Variants in HSPB6 observed in about 807,000 individuals in gnomAD.
HSPB6 encodes the protein heat shock protein beta-6.
HSPB6 carries 8 observed loss-of-function variants against 10.7 expected under a neutral mutation model. That is an observed-to-expected ratio of 0.75 (90% CI 0.44 to 1.35). The LOEUF (loss-of-function observed/expected upper bound fraction) is 1.35. HSPB6 is among the 40% of genes most tolerant of loss of function. HSPB6 has a pLI of 0.00. For missense variants in HSPB6, 232 were observed against 236.0 expected (o/e 0.98, Z 0.11); for synonymous variants, 128 against 114.2 (o/e 1.12, Z -0.77).
intron 1 of HSPB6, among the ~76,000 whole-genome samples, chr19:35,756,330 C>T (rs1970754945): frequency 6.6e-6 from 1 of 152,122 alleles, no homozygotes. Flanking sequence ...CACGGGACCT[C>T]GGCAGCTACT....
chr19:35,756,080 C>A (rs1387070409), intron 1 of HSPB6, among the ~76,000 whole-genome samples, 186 bp from the exon 2 acceptor site: 2 of 152,096 alleles, frequency 1.3e-5, no homozygotes, highest in Non-Finnish European at 2.9e-5. Flanking sequence ...ATACGCCCTC[C>A]CCCTGTAATA....
In HSPB6 at chr19:35,756,956, G is replaced by A. The variant is rs1434903574; in HGVS notation, c.53C>T (p.Pro18Leu). The A allele has an allele frequency of 1.9e-6, 3 of 1,544,592 alleles. No individual in the cohort carries two copies. The highest frequency in any genetic ancestry group is 2.6e-6 in the Non-Finnish European group (3 of 1,146,566). The change falls in exon 1 of 3, where the codon CCG becomes CTG. Residue 18 changes from proline (P) to leucine (L), a missense_variant. Pro to Leu is a moderately conservative substitution (Grantham distance 98). Transcript: ENST00000004982. ...TCCGGGCGCCGAAAGTCCGGGCAAC[G>A]GGGCCGAGGCGCGGCGCAGCCAAGA... Reference protein sequence around the residue: ...QPSWLRRASAPLPGLSAPGRL... With the variant: ...QPSWLRRASALLPGLSAPGRL...
In HSPB6 at chr19:35,756,819, CGGGCAGCGCCACGCT is replaced by C. The variant is rs1281502501; in HGVS notation, c.175_189del (p.Ser59_Pro63del). The C allele has an allele frequency of 2.6e-6, 4 of 1,535,966 alleles. No individual in the cohort carries two copies. Among genetic ancestry groups the C allele is most frequent in the Non-Finnish European group, 3.5e-6 (4 of 1,146,622 alleles). On this transcript the variant is annotated inframe_deletion, in exon 1 of 3. Coordinates refer to ENST00000004982, the MANE Select transcript of HSPB6 (RefSeq NM_144617.3). The stretch of plus-strand genomic sequence containing the variant: ...CTCCCCAGGCCTGGCACCTGGGCGA[CGGGCAGCGCCACGCT>C]GGGTGCGCGCAGGTAGTAGGGGGCG...
rs1374847402 is a variant in HSPB6 at position 35,756,892 on chromosome 19, C to T, written c.117G>A (p.Glu39=). Reference sequence around the variant, plus strand: ...TGGGGCAGAGCGCAGCCAGCTCGGCCTCCAGCAGCCCCTCGCCGAAGCGCT... The same window carrying T: ...TGGGGCAGAGCGCAGCCAGCTCGGCTTCCAGCAGCCCCTCGCCGAAGCGCT... ...FDQRFGEGLL[E]AELAALCPTT... Residue 39 remains glutamate (E), a synonymous_variant, in exon 1 of 3, where the codon GAG becomes GAA. Coordinates refer to ENST00000004982, the MANE Select transcript of HSPB6 (RefSeq NM_144617.3). 6.5e-7 allele frequency: 1 copy of T among 1,538,480 alleles called. No individual in the cohort carries two copies. The highest frequency in any genetic ancestry group is 2.0e-5 in the Admixed American group (1 of 50,910).
In HSPB6 at chr19:35,754,634, G is replaced by A. The variant is rs1970730123; in HGVS notation, c.*888C>T. On this transcript the variant is annotated 3_prime_UTR_variant, in exon 3 of 3. Transcript: ENST00000004982. ...AAGACTAAGGGAGTGGTGGCAGGGA[G>A]AAAGGCTGTGGGGAATCAGAGCGGG... is the stretch of plus-strand genomic sequence containing the variant. 2 of 702,104 alleles carry A rather than the reference G, an allele frequency of 2.8e-6. No individual in the cohort carries two copies. The highest frequency in any genetic ancestry group is 1.7e-5 in the South Asian group (1 of 58,706). 43.5% of individuals were successfully genotyped at this position (702,104 alleles called of 1,614,324 possible).
chr19:35,756,991 A>G lies in HSPB6; in HGVS notation c.18T>C (p.Pro6=), dbSNP rs1363143963. Residue 6 remains proline (P), a synonymous_variant, in exon 1 of 3, where the codon CCT becomes CCC. Transcript: ENST00000004982. MEIPV[P]VQPSWLRRAS... ...CGCGGCGCAGCCAAGACGGCTGCAC[A>G]GGCACAGGGATCTCCATCCTGCTCC... 2 of 1,546,024 alleles carry G rather than the reference A, an allele frequency of 1.3e-6. No homozygotes were observed. The highest frequency in any genetic ancestry group is 2.4e-5 in the South Asian group (2 of 84,030).
chr19:35,754,639 G>C lies in HSPB6; in HGVS notation c.*883C>G, dbSNP rs1970730283. On this transcript the variant is annotated 3_prime_UTR_variant, in exon 3 of 3. Transcript: ENST00000004982. ...TAAGGGAGTGGTGGCAGGGAGAAAGGCTGTGGGGAATCAGAGCGGGTGCTC... is the reference window on the plus strand; with the variant it reads ...TAAGGGAGTGGTGGCAGGGAGAAAGCCTGTGGGGAATCAGAGCGGGTGCTC... 1 of 689,922 alleles carries C rather than the reference G, an allele frequency of 1.4e-6. No individual in the cohort carries two copies. Among genetic ancestry groups the C allele is most frequent in the African/African-American group, 1.8e-5 (1 of 56,766 alleles). 42.7% of individuals were successfully genotyped at this position (689,922 alleles called of 1,614,324 possible).
In HSPB6 at chr19:35,754,766, G is replaced by A; in HGVS notation, c.*756C>T. The A allele has an allele frequency of 4.0e-6, 2 of 502,092 alleles. No individual in the cohort carries two copies. The highest frequency in any genetic ancestry group is 7.3e-6 in the Non-Finnish European group (2 of 274,896). The allele number at this position is 502,092 out of a possible 1,614,324, so 31.1% of individuals were successfully genotyped here. ...AAGACAAAGGGACTTAGGGGGATGG[G>A]GTCTGGTTAGAGTTGGGGAGGGGGC... On this transcript the variant is annotated 3_prime_UTR_variant, in exon 3 of 3. Transcript: ENST00000004982.
Position 35,754,607 on chromosome 19 carries a change from G to C in HSPB6, c.*915C>G, listed in dbSNP as rs773487464. The C allele has an allele frequency of 1.2e-6, 1 of 826,212 alleles. No homozygotes were observed. The highest frequency in any genetic ancestry group is 2.0e-6 in the Non-Finnish European group (1 of 503,168). The allele number at this position is 826,212 out of a possible 1,614,324, so 51.2% of individuals were successfully genotyped here. A position where few individuals can be genotyped will look rare whatever the true frequency, so the allele number is the denominator to read the frequency against. On this transcript the variant is annotated 3_prime_UTR_variant, in exon 3 of 3. Transcript: ENST00000004982. ...ACATTTATTGGGAGAGTAAGCCTGGGAAAGACTAAGGGAGTGGTGGCAGGG... is the reference window on the plus strand; with the variant it reads ...ACATTTATTGGGAGAGTAAGCCTGGCAAAGACTAAGGGAGTGGTGGCAGGG...
In HSPB6 at chr19:35,755,597, C is replaced by T. The variant is rs1229631694; in HGVS notation, c.408G>A (p.Leu136=). 6.5e-7 allele frequency: 1 copy of T among 1,532,928 alleles called. No homozygotes were observed. The highest frequency in any genetic ancestry group is 8.7e-7 in the Non-Finnish European group (1 of 1,144,720). 95.0% of individuals were successfully genotyped at this position (1,532,928 alleles called of 1,614,324 possible). A position where few individuals can be genotyped will look rare whatever the true frequency, so the allele number is the denominator to read the frequency against. The change falls in exon 3 of 3, where the codon CTG becomes CTA. Residue 136 remains leucine, a synonymous_variant. Transcript: ENST00000004982. ...GVDPAAVTSA[L]SPEGVLSIQA... ...GGATGGACAGGACGCCCTCGGGGGACAGCGCGGACGTCACGGCAGCCGGAT... is the reference window on the plus strand; with the variant it reads ...GGATGGACAGGACGCCCTCGGGGGATAGCGCGGACGTCACGGCAGCCGGAT...
rs933934889 is a variant in HSPB6, at chr19:35,754,601, G to T, written c.*921C>A. ...TCTAGCACATTTATTGGGAGAGTAAGCCTGGGAAAGACTAAGGGAGTGGTG... is the reference window on the plus strand; with the variant it reads ...TCTAGCACATTTATTGGGAGAGTAATCCTGGGAAAGACTAAGGGAGTGGTG... On this transcript the variant is annotated 3_prime_UTR_variant, in exon 3 of 3. Coordinates refer to ENST00000004982, the MANE Select transcript of HSPB6 (RefSeq NM_144617.3). 16 of 863,244 alleles carry T rather than the reference G, an allele frequency of 1.9e-5. No homozygotes were observed. The African/African-American group carries it at 2.5e-4, about 13-fold the overall frequency. The allele number at this position is 863,244 out of a possible 1,614,324, so 53.5% of individuals were successfully genotyped here.
chr19:35,757,019 C>A lies in HSPB6; in HGVS notation c.-11G>T. 2 of 1,545,776 alleles carry A rather than the reference C, an allele frequency of 1.3e-6. No individual in the cohort carries two copies. Among genetic ancestry groups the A allele is most frequent in the Non-Finnish European group, 1.7e-6 (2 of 1,146,692 alleles). On this transcript the variant is annotated 5_prime_UTR_variant, in exon 1 of 3. Coordinates refer to ENST00000004982, the MANE Select transcript of HSPB6 (RefSeq NM_144617.3). ...CACAGGGATCTCCATCCTGCTCCTC[C>A]GCGTTGCAGTGCCCCTGCGTGCGCA...
Position 35,756,913 on chromosome 19 carries a change from G to A in HSPB6, c.96C>T (p.Arg32=). Residue 32 remains arginine, a synonymous_variant, in exon 1 of 3, where the codon CGC becomes CGT. Coordinates refer to ENST00000004982, the MANE Select transcript of HSPB6 (RefSeq NM_144617.3). ...CGGCCTCCAGCAGCCCCTCGCCGAAGCGCTGGTCAAAGAGGCGTCCGGGCG... is the reference window on the plus strand; with the variant it reads ...CGGCCTCCAGCAGCCCCTCGCCGAAACGCTGGTCAAAGAGGCGTCCGGGCG... The part of the protein sequence containing the change: ...LSAPGRLFDQ[R]FGEGLLEAEL... The A allele has an allele frequency of 6.5e-7, 1 of 1,540,794 alleles. No homozygotes were observed. The highest frequency in any genetic ancestry group is 8.7e-7 in the Non-Finnish European group (1 of 1,146,266).
At chr19:35,756,092 C>A (rs891695123) in intron 1 of HSPB6, among the ~76,000 whole-genome samples, 198 bp from the exon 2 acceptor site, 1 of 152,096 alleles carries the variant, frequency 6.6e-6, no homozygotes, top group African/African-American at 2.4e-5. Context: ...CCTGTAATAT[C>A]TGGGATTGCC....
intron 2 of HSPB6, 42 bp from the exon 3 acceptor site, chr19:35,755,725 C>G (rs1454940044): frequency 2.0e-6 from 3 of 1,526,346 alleles, no homozygotes; most frequent in East Asian, 2.6e-5. Flanking sequence ...CCCTCCGGCC[C>G]GGCGGCGAGC....
chr19:35,755,786 G>T lies in HSPB6; in HGVS notation c.307C>A (p.His103Asn). The T allele has an allele frequency of 6.3e-7, 1 of 1,588,416 alleles. No individual in the cohort carries two copies. Among genetic ancestry groups the T allele is most frequent in the South Asian group, 1.1e-5 (1 of 87,232 alleles). ...CCGCGGCTCACCGGGCGCTCCTCGT[G>T]GCGCGCGTGCACCTCCACGTGTTCG... ...VGEHVEVHAR[H>N]EERPDEHGFV... The change falls in exon 2 of 3, where the codon CAC becomes AAC. Residue 103 changes from histidine (H) to asparagine (N), a missense_variant. His to Asn is a moderately conservative substitution (Grantham distance 68, BLOSUM62 1). Coordinates refer to ENST00000004982, the MANE Select transcript of HSPB6 (RefSeq NM_144617.3).
chr19:35,755,529 G>T lies in HSPB6; in HGVS notation c.476C>A (p.Ala159Asp), dbSNP rs562324484. The change falls in exon 3 of 3, where the codon GCC (alanine) becomes GAC (aspartate). Residue 159 changes from alanine (A) to aspartate (D), a missense_variant. By Grantham distance (126) the Ala-to-Asp change is moderately radical. Coordinates refer to ENST00000004982, the MANE Select transcript of HSPB6 (RefSeq NM_144617.3). ...ASAQAPPPAA[A>D]K ...GCGCGGCCCAGCCCCCTCCTACTTGGCTGCGGCTGGCGGTGGGGCCTGGGC... is the reference window on the plus strand; with the variant it reads ...GCGCGGCCCAGCCCCCTCCTACTTGTCTGCGGCTGGCGGTGGGGCCTGGGC... 4 of 1,513,196 alleles carry T rather than the reference G, an allele frequency of 2.6e-6. No homozygotes were observed. The South Asian group carries it at 3.7e-5, about 14-fold the overall frequency. The allele number at this position is 1,513,196 out of a possible 1,614,324, so 93.7% of individuals were successfully genotyped here.
chr19:35,755,840 G>C lies in HSPB6; in HGVS notation c.253C>G (p.Pro85Ala), dbSNP rs531698240. The change falls in exon 2 of 3, where the codon CCG becomes GCG. Residue 85 changes from proline (P) to alanine (A), a missense_variant. By Grantham distance (27) the Pro-to-Ala change is conservative. Transcript: ENST00000004982. ...ACCACCTTGACAGCAATTTCCTCCG[G>C]CGAGAAGTGCTTCACGTCTAGCAGC... ...SVLLDVKHFS[P>A]EEIAVKVVGE... The C allele has an allele frequency of 6.3e-6, 10 of 1,594,000 alleles. No individual in the cohort carries two copies. In the South Asian group the frequency reaches 1.1e-4, roughly 18 times the overall value.
Position 35,756,926 on chromosome 19 carries a change from A to T in HSPB6, c.83T>A (p.Leu28His), listed in dbSNP as rs1970770820. 1.3e-6 allele frequency: 2 copies of T among 1,542,184 alleles called. No homozygotes were observed. Among genetic ancestry groups the T allele is most frequent in the Middle Eastern group, 2.1e-4 (1 of 4,872 alleles). ...PLPGLSAPGR[L>H]FDQRFGEGLL... ...CCCCTCGCCGAAGCGCTGGTCAAAG[A>T]GGCGTCCGGGCGCCGAAAGTCCGGG... The change falls in exon 1 of 3, where the codon CTC becomes CAC. Residue 28 changes from leucine to histidine, a missense_variant. Transcript: ENST00000004982.
Sources: allele counts gnomAD v4.1 joint callset (sites outside exome capture counted in the v4.1 genomes callset), GRCh38; gene constraint gnomAD v4.1.1; transcripts MANE v1.5; gene names NCBI Gene and HGNC (gene_info 2026-07-23, HGNC 2026-07-21).